Variants in HECW1 observed in about 807,000 individuals in gnomAD.
HECW1 encodes HECT, C2 and WW domain containing E3 ubiquitin protein ligase 1.
Under a neutral mutation model 182.3 loss-of-function variants are expected in HECW1, and 61 were observed. The ratio of observed to expected loss-of-function variants is 0.33; its 90% confidence interval spans 0.27 to 0.41. The LOEUF (loss-of-function observed/expected upper bound fraction) is 0.41, where lower values mean the gene tolerates loss of function less well. HECW1 is among the 10% of genes least tolerant of loss of function. HECW1 has a pLI of 1.00. For missense variants in HECW1, 1,739 were observed against 2,108.9 expected, an observed-to-expected ratio of 0.82 and a Z score of 3.44; for synonymous variants, 859 against 832.6, an observed-to-expected ratio of 1.03 and a Z score of -0.55.
intron 7 of HECW1, among the ~76,000 whole-genome samples, chr7:43,397,400 T>C (rs1296079224): frequency 6.6e-6 from 1 of 152,250 alleles, no homozygotes; most frequent in Non-Finnish European, 1.5e-5. Context: ...GAATGTACCA[T>C]GGTTCCATCT....
At chr7:43,237,105 G>A (rs1456955782) in intron 2 of HECW1, among the ~76,000 whole-genome samples, 1 of 151,486 alleles carries the variant, frequency 6.6e-6, no homozygotes, top group African/African-American at 2.4e-5. Context: ...ATGGGAGGGA[G>A]GGAAGAAAGA....
chr7:43,141,347 C>G (rs1039970341), intron 2 of HECW1, among the ~76,000 whole-genome samples: 2 of 152,194 alleles, frequency 1.3e-5, no homozygotes, highest in South Asian at 4.1e-4. Context: ...CACGCTGACC[C>G]CCTGCTGGGT....
At position 43,563,499 on chromosome 7, in the gene HECW1, A is replaced by G. The variant is rs1476907725; in HGVS notation, c.*1573A>G. 5.1e-6 allele frequency: 1 copy of G among 197,166 alleles called. No individual in the cohort carries two copies. The highest frequency in any genetic ancestry group is 1.0e-5 in the Non-Finnish European group (1 of 95,324). The allele number at this position is 197,166 out of a possible 1,614,324, so 12.2% of individuals were successfully genotyped here. ...AAAACAAGGGAGAAATGTAAGACGAAGTGAATTTCATATGAAGCCAATGGC... is the reference window on the plus strand; with the variant it reads ...AAAACAAGGGAGAAATGTAAGACGAGGTGAATTTCATATGAAGCCAATGGC... On this transcript the variant is annotated 3_prime_UTR_variant, in exon 30 of 30. Transcript: ENST00000395891.
intron 8 of HECW1, among the ~76,000 whole-genome samples, chr7:43,430,473 T>C (rs1399873766): frequency 6.6e-6 from 1 of 152,304 alleles, no homozygotes; most frequent in East Asian, 1.9e-4. Flanking sequence ...GGTAAAAAGC[T>C]CCACTAAGCA....
intron 3 of HECW1, among the ~76,000 whole-genome samples, chr7:43,269,466 A>G (rs1802144534): frequency 6.6e-6 from 1 of 152,228 alleles, no homozygotes; most frequent in Admixed American, 6.5e-5. Context: ...TTTCACTAAC[A>G]TAGAATAACA....
chr7:43,163,775 C>G (rs1238017766), intron 2 of HECW1, among the ~76,000 whole-genome samples: 1 of 152,114 alleles, frequency 6.6e-6, no homozygotes, highest in Non-Finnish European at 1.5e-5. Flanking sequence ...ACCCTCACAT[C>G]TTGGGTCTAA....
At chr7:43,308,121 T>C (rs1465111030) in intron 3 of HECW1, among the ~76,000 whole-genome samples, 1 of 105,614 alleles carries the variant, frequency 9.5e-6, no homozygotes, top group Non-Finnish European at 1.7e-5. Context: ...TAACATATAA[T>C]ATATTTATAT....
At chr7:43,473,098 C>T (rs1297433033) in intron 16 of HECW1, among the ~76,000 whole-genome samples, 1 of 152,180 alleles carries the variant, frequency 6.6e-6, no homozygotes, top group East Asian at 1.9e-4. Flanking sequence ...AGTGAGTTCT[C>T]ACCTTATTAG....
intron 19 of HECW1, 103 bp from the exon 20 acceptor site, chr7:43,500,596 C>A: frequency 1.1e-6 from 1 of 919,756 alleles, no homozygotes; most frequent in Non-Finnish European, 1.8e-6. Context: ...TAGGACATTG[C>A]TATTCAGCAG....
intron 3 of HECW1, among the ~76,000 whole-genome samples, chr7:43,309,849 C>T (rs1808275644): frequency 6.6e-6 from 1 of 152,164 alleles, no homozygotes; most frequent in Non-Finnish European, 1.5e-5. Context: ...TGCCCAGGCC[C>T]TATGTCTCAG....
At chr7:43,259,129 G>A (rs1193993001) in intron 3 of HECW1, among the ~76,000 whole-genome samples, 1 of 152,172 alleles carries the variant, frequency 6.6e-6, no homozygotes, top group Admixed American at 6.5e-5. Flanking sequence ...AGCTCAACCT[G>A]TAATTCCAGC....
chr7:43,522,796 A>G (rs1042505812), intron 24 of HECW1, among the ~76,000 whole-genome samples: 5 of 152,246 alleles, frequency 3.3e-5, no homozygotes, highest in Admixed American at 3.3e-4. Context: ...CACGGAGCAC[A>G]GGGAATGACA....
intron 24 of HECW1, among the ~76,000 whole-genome samples, chr7:43,525,513 G>A (rs527863398): frequency 6.6e-6 from 1 of 152,302 alleles, no homozygotes; most frequent in African/African-American, 2.4e-5. Context: ...TGGAATGACA[G>A]GAGGGGTGGG....
intron 2 of HECW1, among the ~76,000 whole-genome samples, chr7:43,181,985 C>T (rs1200631170): frequency 6.6e-6 from 1 of 151,378 alleles, no homozygotes; most frequent in East Asian, 1.9e-4. Context: ...GGGGTTTCAC[C>T]ATGTTAGCCA....
rs1413090902 is a variant in HECW1 at position 43,561,744 on chromosome 7, G to C, written c.4710-71G>C. 8 of 1,041,884 alleles carry C rather than the reference G, an allele frequency of 7.7e-6. No individual in the cohort carries two copies. The South Asian group carries it at 1.1e-4, about 15-fold the overall frequency. 64.5% of individuals were successfully genotyped at this position (1,041,884 alleles called of 1,614,324 possible). Reference sequence around the variant, plus strand: ...GATTCCTTTTTGAATCACAACTTCAGACAGTCACAGATCCAGAACCAGTTG... The same window carrying C: ...GATTCCTTTTTGAATCACAACTTCACACAGTCACAGATCCAGAACCAGTTG... On this transcript the variant is annotated intron_variant, in intron 29 of 29. Coordinates refer to ENST00000395891, the MANE Select transcript of HECW1 (RefSeq NM_015052.5).
chr7:43,293,906 T>C (rs147492015), intron 3 of HECW1, among the ~76,000 whole-genome samples: 11 of 152,178 alleles, frequency 7.2e-5, no homozygotes, highest in East Asian at 5.8e-4. Flanking sequence ...GCAGCGACAT[T>C]AGATTTTCGT....
chr7:43,528,762 C>T (rs1345295578), intron 24 of HECW1, among the ~76,000 whole-genome samples: 3 of 152,202 alleles, frequency 2.0e-5, no homozygotes, highest in Non-Finnish European at 4.4e-5. Flanking sequence ...GCTAGACATT[C>T]ATTTCAGTTG....
chr7:43,316,464 AC>A (rs1320733304), intron 4 of HECW1, among the ~76,000 whole-genome samples: 2 of 152,182 alleles, frequency 1.3e-5, no homozygotes, highest in Non-Finnish European at 2.9e-5. Context: ...CTGGTCTAAG[AC>A]CACTAGCTGT....
intron 13 of HECW1, among the ~76,000 whole-genome samples, chr7:43,456,977 GAT>G (rs2077422682): frequency 6.6e-6 from 1 of 152,134 alleles, no homozygotes; most frequent in Admixed American, 6.5e-5. Flanking sequence ...TTCCATAATT[GAT>G]ATATGCCCAT....
Sources: gnomAD v4.1 joint callset for allele counts (sites outside exome capture counted in the v4.1 genomes callset) on GRCh38, gnomAD v4.1.1 for gene constraint, MANE v1.5 for transcripts, NCBI Gene and HGNC (gene_info 2026-07-23, HGNC 2026-07-21) for gene names.